PPP2R2D: variants seen among roughly 807,000 people sequenced by gnomAD.
PPP2R2D encodes serine/threonine-protein phosphatase 2A 55 kDa regulatory subunit B delta isoform.
A neutral mutation model predicts 31.1 loss-of-function variants in PPP2R2D; 9 were observed. The ratio of observed to expected loss-of-function variants is 0.29; its 90% CI spans 0.17 to 0.51. The LOEUF is 0.51. PPP2R2D is among the 20% of genes least tolerant of loss of function. The probability of loss-of-function intolerance (pLI) is 0.98; values close to 1 mark genes in which losing one functional copy is unlikely to be tolerated. For synonymous variants in PPP2R2D, 179 were observed against 172.6 expected, an observed-to-expected ratio of 1.04 and a Z score of -0.29; for missense variants, 391 against 465.6, an observed-to-expected ratio of 0.84 and a Z score of 1.48.
At chr10:131,942,911 A>G (rs1554897390) in intron 5 of PPP2R2D, among the ~76,000 whole-genome samples, 1 of 152,152 alleles carries the variant, frequency 6.6e-6, no homozygotes, top group Non-Finnish European at 1.5e-5. Flanking sequence ...TACCTGGGTT[A>G]AAATGAGGGA....
In PPP2R2D at chr10:131,947,803, G is replaced by T. The variant is rs781799098; in HGVS notation, c.1082+12G>T. The T allele has an allele frequency of 3.7e-6, 6 of 1,607,454 alleles. No homozygotes were observed. Among genetic ancestry groups the T allele is most frequent in the Non-Finnish European group, 5.1e-6 (6 of 1,174,704 alleles). On this transcript the variant is annotated intron_variant, in intron 8 of 8. Transcript: ENST00000455566. The surrounding 1 kb of genome is among the most constrained non-coding windows in gnomAD (Gnocchi z 4.3). ...AACGGTTCGGATAGGTAAGGCCTGC[G>T]TGGAGATGAGCTGTCGCCCCAAGCT...
chr10:131,970,411 A>G, the PPP2R2D span: 2 of 606,270 alleles, frequency 3.3e-6, no homozygotes, highest in South Asian at 2.1e-5. The surrounding 1 kb of genome is among the most constrained non-coding windows in gnomAD (Gnocchi z 4.1). Flanking sequence ...CAACAGGCAG[A>G]CTCGTCAGGC....
At chr10:131,951,311 T>C (rs1235075679) in intron 8 of PPP2R2D, among the ~76,000 whole-genome samples, 2 of 152,192 alleles carry the variant, frequency 1.3e-5, no homozygotes, top group Non-Finnish European at 2.9e-5. Flanking sequence ...AGCAAACAAC[T>C]GGAGACAGCC....
At chr10:131,970,618 C>T in the PPP2R2D span, 1 of 1,612,194 alleles carries the variant, frequency 6.2e-7, no homozygotes, top group Non-Finnish European at 8.5e-7. The surrounding 1 kb of genome is among the most constrained non-coding windows in gnomAD (Gnocchi z 4.1). Context: ...TGACAGGAGT[C>T]ACACAGTCAC....
intron 2 of PPP2R2D, among the ~76,000 whole-genome samples, chr10:131,904,695 G>C (rs2035554847): frequency 6.6e-6 from 1 of 152,134 alleles, no homozygotes; most frequent in East Asian, 1.9e-4. Context: ...CCTGCACTCT[G>C]GCCGTCTTTC....
At position 131,956,243 on chromosome 10, in the gene PPP2R2D, G is replaced by C; in HGVS notation, c.*280G>C. 1.8e-6 allele frequency: 2 copies of C among 1,130,956 alleles called. No homozygotes were observed. The highest frequency in any genetic ancestry group is 2.2e-6 in the Non-Finnish European group (2 of 924,326). 70.1% of individuals were successfully genotyped at this position (1,130,956 alleles called of 1,614,324 possible). On this transcript the variant is annotated 3_prime_UTR_variant, in exon 9 of 9. Transcript: ENST00000455566. ...ACTCAGAATAAATGTATTTATTTCA[G>C]TCCGAGCCTTCCTTTCCAATTTATA...
intron 2 of PPP2R2D, among the ~76,000 whole-genome samples, chr10:131,904,769 C>G (rs1009105184): frequency 2.0e-5 from 3 of 152,156 alleles, no homozygotes; most frequent in Non-Finnish European, 2.9e-5. Flanking sequence ...CCTCTCCTGA[C>G]TTCAGTGGGG....
chr10:131,927,938 G>C (rs572967275), intron 2 of PPP2R2D, among the ~76,000 whole-genome samples: 8 of 152,276 alleles, frequency 5.3e-5, no homozygotes, highest in African/African-American at 1.9e-4. Context: ...TGTAGTTCTG[G>C]GGGCTGTGTG....
intron 2 of PPP2R2D, among the ~76,000 whole-genome samples, chr10:131,929,658 T>G (rs935735453): frequency 1.3e-5 from 2 of 152,074 alleles, no homozygotes; most frequent in East Asian, 3.9e-4. Context: ...CCGCCACACC[T>G]GCCCGCTCCA....
At chr10:131,949,567 T>A in intron 8 of PPP2R2D, among the ~76,000 whole-genome samples, 1 of 151,778 alleles carries the variant, frequency 6.6e-6, no homozygotes, top group Non-Finnish European at 1.5e-5. Context: ...GAACTGAACC[T>A]CCGAGAAGGC....
chr10:131,920,710 C>T lies in PPP2R2D; in HGVS notation c.101-13748C>T, dbSNP rs145268780. 5.6e-3 allele frequency among the ~76,000 whole-genome samples: 845 copies of T among 152,198 alleles called. 7 individuals are homozygous for T. Among genetic ancestry groups the T allele is most frequent in the South Asian group, 0.014 (66 of 4,818 alleles). On this transcript the variant is annotated intron_variant, in intron 2 of 8. Coordinates refer to ENST00000455566, the MANE Select transcript of PPP2R2D (RefSeq NM_018461.5). Reference sequence around the variant, plus strand: ...TGGGAGGCTGAGGTGAGTGGATCACCTGAGGTCAGGAGTTGGGAGATCAGC... The same window carrying T: ...TGGGAGGCTGAGGTGAGTGGATCACTTGAGGTCAGGAGTTGGGAGATCAGC...
Position 131,901,325 on chromosome 10 carries a change from C to T in PPP2R2D, c.95C>T (p.Ala32Val). 2.8e-6 allele frequency: 1 copy of T among 358,796 alleles called. No individual in the cohort carries two copies. The highest frequency in any genetic ancestry group is 4.1e-5 in the East Asian group (1 of 24,540). The allele number at this position is 358,796 out of a possible 1,614,324, so 22.2% of individuals were successfully genotyped here. The change falls in exon 2 of 9, where the codon GCC (alanine) becomes GTC (valine). Residue 32 changes from alanine to valine, a missense_variant. By Grantham distance (64) the Ala-to-Val change is moderately conservative (BLOSUM62 0). This residue lies in a region of PPP2R2D where 105 missense variants were observed against 98.5 expected (regional missense o/e 1.07). Transcript: ENST00000455566. Reference protein sequence around the residue: ...QVKGAIDEDVAEADIISTVEF... With the variant: ...QVKGAIDEDVVEADIISTVEF... ...AAGGGGGCCATCGACGAGGACGTGG[C>T]CGAAGGTGAGCCCCGCGCCGCGCCC...
chr10:131,947,839 C>T lies in PPP2R2D; in HGVS notation c.1082+48C>T, dbSNP rs535261574. The T allele has an allele frequency of 1.4e-5, 22 of 1,595,258 alleles. No homozygotes were observed. Among genetic ancestry groups the T allele is most frequent in the East Asian group, 4.5e-5 (2 of 44,542 alleles). The stretch of plus-strand genomic sequence containing the variant: ...CTGTCGCCCCAAGCTTGCTGGTTTC[C>T]GAGAGTGCAAGGTCAGTGAGGGAGG... On this transcript the variant is annotated intron_variant, in intron 8 of 8. Transcript: ENST00000455566. The surrounding 1 kb of genome is among the most constrained non-coding windows in gnomAD (Gnocchi z 4.3).
the PPP2R2D span, among the ~76,000 whole-genome samples, chr10:131,965,337 GC>G: frequency 6.6e-6 from 1 of 152,198 alleles, no homozygotes; most frequent in Non-Finnish European, 1.5e-5. Flanking sequence ...GGCTGGGTGG[GC>G]CCAGAAAGTG....
chr10:131,901,020 C>CCGGCGGCGGCGG lies in PPP2R2D; in HGVS notation c.-114_-103dup, dbSNP rs1229531944. On this transcript the variant is annotated 5_prime_UTR_variant, in exon 1 of 9. Transcript: ENST00000455566. ...TTTGAAAAGGGAAAAAAATCCCTCC[C>CCGGCGGCGGCGG]CGGCGGCGGCGGCGGCGGCGGCGGC... 4,928 of 154,070 alleles carry CCGGCGGCGGCGG rather than the reference C, an allele frequency of 0.032. 164 individuals carry two copies. Among genetic ancestry groups the CCGGCGGCGGCGG allele is most frequent in the East Asian group, 0.17 (825 of 4,944 alleles). 9.5% of individuals were successfully genotyped at this position (154,070 alleles called of 1,614,324 possible). A position where few individuals can be genotyped will look rare whatever the true frequency, so the allele number is the denominator to read the frequency against.
At chr10:131,910,322 A>G (rs1363533129) in intron 2 of PPP2R2D, among the ~76,000 whole-genome samples, 2 of 152,272 alleles carry the variant, frequency 1.3e-5, no homozygotes, top group South Asian at 2.1e-4. Context: ...AACACATTCC[A>G]TTATGTAAAC....
In PPP2R2D at chr10:131,956,180, G is replaced by A. The variant is rs73391702; in HGVS notation, c.*217G>A. On this transcript the variant is annotated 3_prime_UTR_variant, in exon 9 of 9. Transcript: ENST00000455566. The stretch of plus-strand genomic sequence containing the variant: ...CTGCTGCTCACGTGGAGACGCTCTC[G>A]AAGCAGAGTTGACGGACACTGCTCC... The A allele has an allele frequency of 1.0e-3, 1,264 of 1,226,218 alleles. 13 individuals carry two copies. In the African/African-American group the frequency reaches 0.018, roughly 17 times the overall value. 76.0% of individuals were successfully genotyped at this position (1,226,218 alleles called of 1,614,324 possible).
chr10:131,902,278 G>A (rs1174028629), intron 2 of PPP2R2D, among the ~76,000 whole-genome samples: 2 of 152,184 alleles, frequency 1.3e-5, no homozygotes, highest in African/African-American at 4.8e-5. Context: ...AATGATTGGT[G>A]TTTGCACCAA....
At chr10:131,951,798 C>T (rs1017194653) in intron 8 of PPP2R2D, among the ~76,000 whole-genome samples, 13 of 151,662 alleles carry the variant, frequency 8.6e-5, no homozygotes, top group Middle Eastern at 3.4e-3. Flanking sequence ...CCAGCCTGGG[C>T]GATAGAGTGA....
Sources: allele counts gnomAD v4.1 joint callset (sites outside exome capture counted in the v4.1 genomes callset), GRCh38; gene constraint gnomAD v4.1.1; regional missense constraint gnomAD v4.1.1; non-coding constraint Gnocchi (gnomAD v3.1); transcripts MANE v1.5; gene names NCBI Gene and HGNC (gene_info 2026-07-23, HGNC 2026-07-21).